Variants in AXDND1 observed in about 807,000 individuals in gnomAD.
AXDND1 encodes the protein axonemal dynein light chain domain containing 1.
AXDND1 carries 110 observed loss-of-function variants against 137.5 expected under a neutral mutation model. The observed-to-expected ratio is 0.80, with a 90% confidence interval of 0.69 to 0.94. AXDND1 has a LOEUF of 0.94. Among genes scored for constraint, AXDND1 ranks in the 40% least tolerant of loss-of-function variants. The pLI, the probability that AXDND1 is intolerant of heterozygous loss-of-function variation, is 0.00. For missense variants in AXDND1, 1,191 were observed against 1,169.8 expected (o/e 1.02, Z -0.26); for synonymous variants, 414 against 399.7 (o/e 1.04, Z -0.43).
Position 179,370,020 on chromosome 1 carries a change from C to A in AXDND1, c.316C>A (p.Arg106=), listed in dbSNP as rs577148644. ...LVDHVWHHPV[R]RNKFKYLIDH... ...AGACCATGTCTGGCATCACCCTGTT[C>A]GAAGGAATAAATTCAAATACCTGAT... The change falls in exon 4 of 26, where the codon CGA becomes AGA. Residue 106 remains arginine (R), a synonymous_variant. Transcript: ENST00000367618. 1 of 1,613,892 alleles carries A rather than the reference C, an allele frequency of 6.2e-7. No homozygotes were observed. The highest frequency in any genetic ancestry group is 1.3e-5 in the African/African-American group (1 of 74,922).
chr1:179,554,301 T>C (rs1191074253), intron 25 of AXDND1, among the ~76,000 whole-genome samples: 2 of 152,256 alleles, frequency 1.3e-5, no homozygotes, highest in Non-Finnish European at 2.9e-5. Context: ...GTCCAAATGT[T>C]ATAGTGATTG....
intron 22 of AXDND1, 49 bp from the exon 23 acceptor site, chr1:179,528,278 G>T: frequency 1.5e-6 from 2 of 1,365,676 alleles, no homozygotes; most frequent in Non-Finnish European, 2.1e-6. Context: ...GAAACTTGCT[G>T]GGGTGCTACA....
intron 11 of AXDND1, among the ~76,000 whole-genome samples, chr1:179,403,612 C>T (rs371696592): frequency 4.5e-4 from 68 of 152,278 alleles, no homozygotes; most frequent in African/African-American, 1.4e-3. Flanking sequence ...CTCGCTCTGT[C>T]GCCCAGGCTG....
chr1:179,394,304 T>A (rs1389869450), intron 10 of AXDND1, among the ~76,000 whole-genome samples: 1 of 152,186 alleles, frequency 6.6e-6, no homozygotes, highest in African/African-American at 2.4e-5. Flanking sequence ...AAAATATAGA[T>A]GTTGCTGGGC....
chr1:179,400,904 CAAAAAAAA>C (rs151090012), intron 11 of AXDND1, among the ~76,000 whole-genome samples: 6 of 53,678 alleles, frequency 1.1e-4, no homozygotes, highest in African/African-American at 4.9e-4. Flanking sequence ...GACTCTGTCT[CAAAAAAAA>C]AAAAAAAAAA....
chr1:179,525,094 C>T (rs1304368195), intron 21 of AXDND1, among the ~76,000 whole-genome samples: 8 of 152,200 alleles, frequency 5.3e-5, no homozygotes, highest in Non-Finnish European at 1.0e-4. Flanking sequence ...CCCTCTTTTA[C>T]CCAGTCCACT....
intron 9 of AXDND1, among the ~76,000 whole-genome samples, chr1:179,389,551 G>C (rs950227398): frequency 3.3e-5 from 5 of 152,310 alleles, no homozygotes; most frequent in Admixed American, 3.3e-4. Context: ...CCACTTTGAA[G>C]TCAGCCCAAG....
chr1:179,390,652 A>G (rs1403961735), intron 9 of AXDND1, among the ~76,000 whole-genome samples: 1 of 147,692 alleles, frequency 6.8e-6, no homozygotes, highest in African/African-American at 2.5e-5. Flanking sequence ...TTTTTGTTTT[A>G]CGTCTAACAT....
At chr1:179,462,836 C>G (rs1662554746) in intron 16 of AXDND1, among the ~76,000 whole-genome samples, 1 of 152,114 alleles carries the variant, frequency 6.6e-6, no homozygotes, top group African/African-American at 2.4e-5. Flanking sequence ...CAAATTCTTC[C>G]TGGTTTACTC....
At chr1:179,445,421 T>A (rs1301775478) in intron 16 of AXDND1, among the ~76,000 whole-genome samples, 1 of 152,168 alleles carries the variant, frequency 6.6e-6, no homozygotes, top group Non-Finnish European at 1.5e-5. Flanking sequence ...TTTATTATAT[T>A]CACAGATGTG....
intron 1 of AXDND1, 21 bp from the exon 2 acceptor site, chr1:179,366,382 AT>A: frequency 1.6e-6 from 1 of 613,312 alleles, no homozygotes. Context: ...TTTTTTTTAA[AT>A]CTTTTTTCCT....
chr1:179,445,333 C>G (rs72719259), intron 16 of AXDND1, 129 bp downstream of exon 16: 36,328 of 652,154 alleles, frequency 0.056, 1,322 homozygotes, highest in Middle Eastern at 0.07. Context: ...GCAAAATAAG[C>G]AAAGCATTGA....
At chr1:179,428,285 A>T (rs1433426432) in intron 12 of AXDND1, among the ~76,000 whole-genome samples, 1 of 152,258 alleles carries the variant, frequency 6.6e-6, no homozygotes, top group Admixed American at 6.5e-5. Context: ...GAAGTATTTC[A>T]ATAGTAGAGA....
Position 179,491,626 on chromosome 1 carries a change from T to C in AXDND1, c.2180T>C (p.Leu727Pro). The change falls in exon 19 of 26, where the codon CTA becomes CCA. Residue 727 changes from leucine to proline, a missense_variant. By Grantham distance (98) the Leu-to-Pro change is moderately conservative. Coordinates refer to ENST00000367618, the MANE Select transcript of AXDND1 (RefSeq NM_144696.6). ...AACTTTACTGACCAAGACTGTCTCCTAAAGTTGGAGGAGGAAAGTGCTGAG... is the reference window on the plus strand; with the variant it reads ...AACTTTACTGACCAAGACTGTCTCCCAAAGTTGGAGGAGGAAAGTGCTGAG... The part of the protein sequence containing the change: ...IPNFTDQDCL[L>P]KLEEESAEKH... 1 of 1,613,940 alleles carries C rather than the reference T, an allele frequency of 6.2e-7. No individual in the cohort carries two copies.
intron 6 of AXDND1, 124 bp from the exon 7 acceptor site, chr1:179,382,576 G>A (rs1026150290): frequency 1.6e-6 from 1 of 636,934 alleles, no homozygotes; most frequent in Non-Finnish European, 2.8e-6. Context: ...TCTCCAAGCA[G>A]TACTCATTCC....
Position 179,368,892 on chromosome 1 carries a change from C to T in AXDND1, c.190C>T (p.Leu64Phe), listed in dbSNP as rs143459066. The change falls in exon 3 of 26, where the codon CTT becomes TTT. Residue 64 changes from leucine (L) to phenylalanine (F), a missense_variant. Transcript: ENST00000367618. ...LQNEFIPKEV[L>F]LSLTYAANAG... ...GAATGAGTTCATTCCCAAAGAAGTTCTTCTTTCTCTGACCTATGCGGCCAA... is the reference window on the plus strand; with the variant it reads ...GAATGAGTTCATTCCCAAAGAAGTTTTTCTTTCTCTGACCTATGCGGCCAA... 6.2e-7 allele frequency: 1 copy of T among 1,613,746 alleles called. No individual in the cohort carries two copies. Among genetic ancestry groups the T allele is most frequent in the African/African-American group, 1.3e-5 (1 of 74,902 alleles).
At chr1:179,430,680 C>T (rs536999234) in intron 14 of AXDND1, 74 bp downstream of exon 14, 2 of 1,473,924 alleles carry the variant, frequency 1.4e-6, no homozygotes, top group Admixed American at 2.0e-5. Flanking sequence ...TGTGTTCCTC[C>T]TTCTGTCTTT....
intron 4 of AXDND1, among the ~76,000 whole-genome samples, chr1:179,370,486 T>G (rs775841525): frequency 5.9e-5 from 9 of 152,246 alleles, no homozygotes; most frequent in Non-Finnish European, 1.2e-4. Flanking sequence ...CTTCATGATG[T>G]GGAAAACCTT....
intron 25 of AXDND1, chr1:179,545,890 C>T (rs1205686125): frequency 6.6e-6 from 1 of 152,072 alleles, no homozygotes; most frequent in East Asian, 1.9e-4. Context: ...GTTACAAGCA[C>T]CTACTCTTGC....
Sources: gnomAD v4.1 joint callset for allele counts (sites outside exome capture counted in the v4.1 genomes callset) on GRCh38, gnomAD v4.1.1 for gene constraint, MANE v1.5 for transcripts, NCBI Gene and HGNC (gene_info 2026-07-23, HGNC 2026-07-21) for gene names.